Variants in NELL1 observed in about 807,000 individuals in gnomAD.
NELL1 encodes protein kinase C-binding protein NELL1.
A neutral mutation model predicts 107.4 loss-of-function variants in NELL1; 76 were observed. The observed-to-expected ratio is 0.71, with a 90% confidence interval of 0.59 to 0.86. NELL1 has a LOEUF of 0.86. Among genes scored for constraint, NELL1 ranks in the 40% least tolerant of loss-of-function variants. NELL1 has a pLI of 0.00. For missense variants in NELL1, 1,024 were observed against 1,005.5 expected, an observed-to-expected ratio of 1.02 and a Z score of -0.25; for synonymous variants, 353 against 341.2, an observed-to-expected ratio of 1.03 and a Z score of -0.38.
intron 13 of NELL1, among the ~76,000 whole-genome samples, chr11:21,136,306 G>A (rs1458959156): frequency 6.6e-6 from 1 of 152,180 alleles, no homozygotes; most frequent in African/African-American, 2.4e-5. Context: ...TGGGTAATGA[G>A]GTTGGAGTAA....
chr11:21,423,058 T>C (rs185207911), intron 15 of NELL1, among the ~76,000 whole-genome samples: 3 of 152,152 alleles, frequency 2.0e-5, no homozygotes, highest in East Asian at 1.9e-4. Context: ...AAAAATAGAC[T>C]CTAAGTTTAA....
intron 15 of NELL1, among the ~76,000 whole-genome samples, chr11:21,494,873 C>T (rs1046162983): frequency 9.2e-5 from 14 of 151,962 alleles, no homozygotes; most frequent in African/African-American, 3.4e-4. Flanking sequence ...TCCCATCATA[C>T]ATCAATATTT....
At chr11:21,263,458 A>G (rs1590784471) in intron 14 of NELL1, among the ~76,000 whole-genome samples, 1 of 152,052 alleles carries the variant, frequency 6.6e-6, no homozygotes, top group East Asian at 1.9e-4. Flanking sequence ...ATTCCTGCCC[A>G]GGCAATAAAA....
At chr11:21,120,518 T>G (rs1855343143) in intron 13 of NELL1, among the ~76,000 whole-genome samples, 1 of 152,108 alleles carries the variant, frequency 6.6e-6, no homozygotes. Flanking sequence ...ACCATGTACT[T>G]GTGTCAGAAT....
At chr11:21,523,727 T>C (rs1332436402) in intron 15 of NELL1, among the ~76,000 whole-genome samples, 3 of 152,106 alleles carry the variant, frequency 2.0e-5, no homozygotes, top group African/African-American at 7.2e-5. Context: ...GGTAGTTAAC[T>C]AGGCTCCTCA....
At chr11:21,113,801 A>C in intron 13 of NELL1, 87 bp downstream of exon 13, 1 of 1,386,074 alleles carries the variant, frequency 7.2e-7, no homozygotes, top group Non-Finnish European at 9.8e-7. Context: ...CTAGTGCACA[A>C]AGTACTATTT....
At chr11:20,820,623 C>A (rs1857728423) in intron 3 of NELL1, among the ~76,000 whole-genome samples, 1 of 152,150 alleles carries the variant, frequency 6.6e-6, no homozygotes, top group African/African-American at 2.4e-5. Flanking sequence ...ACTACATTGT[C>A]ACTGAGCTCA....
chr11:20,932,419 G>A (rs565768746), intron 9 of NELL1, among the ~76,000 whole-genome samples: 1 of 152,198 alleles, frequency 6.6e-6, no homozygotes, highest in Admixed American at 6.5e-5. Flanking sequence ...CAGGATTTAT[G>A]TAGGTGAGAG....
At chr11:21,352,441 T>G (rs1438985657) in intron 14 of NELL1, among the ~76,000 whole-genome samples, 1 of 152,158 alleles carries the variant, frequency 6.6e-6, no homozygotes, top group African/African-American at 2.4e-5. Flanking sequence ...ATAGAAGATT[T>G]TTTTTAACTG....
intron 7 of NELL1, among the ~76,000 whole-genome samples, chr11:20,922,788 C>A (rs988144734): frequency 6.6e-6 from 1 of 152,018 alleles, no homozygotes; most frequent in Non-Finnish European, 1.5e-5. Context: ...ATATTTATAG[C>A]TTTGAGTAAG....
chr11:20,774,057 C>A (rs1354029490), intron 2 of NELL1, among the ~76,000 whole-genome samples: 6 of 80,144 alleles, frequency 7.5e-5, no homozygotes, highest in African/African-American at 3.1e-4. Flanking sequence ...CCCTCCCCTC[C>A]CCTCCTGTCC....
intron 10 of NELL1, among the ~76,000 whole-genome samples, chr11:20,946,543 G>GA (rs1850965719): frequency 6.6e-6 from 1 of 152,094 alleles, no homozygotes; most frequent in Admixed American, 6.6e-5. Flanking sequence ...TATATCTAGG[G>GA]AAAATCTAAT....
At chr11:21,390,053 T>C (rs1369357605) in intron 15 of NELL1, among the ~76,000 whole-genome samples, 1 of 151,762 alleles carries the variant, frequency 6.6e-6, no homozygotes, top group Non-Finnish European at 1.5e-5. Flanking sequence ...GCATTGTAAT[T>C]TTGTCAGTAC....
At chr11:20,784,748 A>C (rs1856920124) in intron 3 of NELL1, among the ~76,000 whole-genome samples, 1 of 152,152 alleles carries the variant, frequency 6.6e-6, no homozygotes, top group Non-Finnish European at 1.5e-5. Context: ...TAGTCCACTG[A>C]AAATATTTAT....
At chr11:21,148,359 G>A (rs901736815) in intron 13 of NELL1, among the ~76,000 whole-genome samples, 11 of 152,112 alleles carry the variant, frequency 7.2e-5, no homozygotes, top group Non-Finnish European at 1.5e-4. Flanking sequence ...GAGGTCGCCG[G>A]GGGGAGGGTG....
chr11:21,301,079 C>A (rs1381799372), intron 14 of NELL1, among the ~76,000 whole-genome samples: 2 of 152,054 alleles, frequency 1.3e-5, no homozygotes, highest in African/African-American at 4.8e-5. Flanking sequence ...ATGAACTCAT[C>A]TTTTTTATGA....
At chr11:21,134,341 G>A (rs1855693899) in intron 13 of NELL1, among the ~76,000 whole-genome samples, 1 of 152,134 alleles carries the variant, frequency 6.6e-6, no homozygotes, top group African/African-American at 2.4e-5. Context: ...GGACTATAAG[G>A]ATAGGAGAGT....
intron 15 of NELL1, among the ~76,000 whole-genome samples, chr11:21,488,459 G>A (rs929322275): frequency 1.6e-4 from 24 of 152,008 alleles, no homozygotes; most frequent in African/African-American, 5.8e-4. Flanking sequence ...TGGCCTATAA[G>A]CAGCATTGGT....
intron 15 of NELL1, among the ~76,000 whole-genome samples, chr11:21,480,906 CTT>C (rs1854476784): frequency 6.6e-6 from 1 of 152,118 alleles, no homozygotes; most frequent in Admixed American, 6.6e-5. Context: ...ACTGTTTTGC[CTT>C]TTATCTCTTT....
Sources: allele counts gnomAD v4.1 joint callset (sites outside exome capture counted in the v4.1 genomes callset), GRCh38; gene constraint gnomAD v4.1.1; transcripts MANE v1.5; gene names NCBI Gene and HGNC (gene_info 2026-07-23, HGNC 2026-07-21).